The following PPP2R5E variants were observed in gnomAD, a reference collection of about 807,000 sequenced individuals.
PPP2R5E encodes serine/threonine-protein phosphatase 2A 56 kDa regulatory subunit epsilon isoform.
Under a neutral mutation model 65.3 loss-of-function variants are expected in PPP2R5E, and 4 were observed. The observed-to-expected ratio is 0.06, with a 90% confidence interval of 0.03 to 0.14. The LOEUF is 0.14. Ranked by LOEUF, PPP2R5E falls within the 10% of genes least tolerant of loss-of-function variation. PPP2R5E has a pLI of 1.00. For synonymous variants in PPP2R5E, 183 were observed against 187.4 expected, an observed-to-expected ratio of 0.98 and a Z score of 0.19; for missense variants, 274 against 556.1, an observed-to-expected ratio of 0.49 and a Z score of 5.10.
At chr14:63,444,191 C>T (rs945206847) in intron 3 of PPP2R5E, among the ~76,000 whole-genome samples, 2 of 152,220 alleles carry the variant, frequency 1.3e-5, no homozygotes, top group East Asian at 1.9e-4. Context: ...ACTGTAACAA[C>T]GTAGCATGAC....
chr14:63,414,623 G>C (rs1021449996), intron 5 of PPP2R5E, among the ~76,000 whole-genome samples: 36 of 152,182 alleles, frequency 2.4e-4, no homozygotes, highest in Non-Finnish European at 1.0e-4. Context: ...GTTCCAAATG[G>C]AGACATGAGA....
rs534076468 is a variant in PPP2R5E at position 63,463,600 on chromosome 14, C to CTTT, written c.158-9718_158-9716dup. On this transcript the variant is annotated intron_variant, in intron 2 of 13. Coordinates refer to ENST00000337537, the MANE Select transcript of PPP2R5E (RefSeq NM_006246.5). ...ACAACTTATTTAAAACTCGAATTCG[C>CTTT]TTTTTTTTTTTTTTGATACGGAGTC... Among the ~76,000 whole-genome samples the CTTT allele has an allele frequency of 1.8e-3, 246 of 139,216 alleles. 1 individual carries two copies. Among genetic ancestry groups the CTTT allele is most frequent in the African/African-American group, 5.5e-3 (209 of 38,030 alleles). 91.3% of individuals were successfully genotyped at this position (139,216 alleles called of 152,430 possible).
At chr14:63,533,665 C>T (rs886554252) in intron 2 of PPP2R5E, among the ~76,000 whole-genome samples, 3 of 152,098 alleles carry the variant, frequency 2.0e-5, no homozygotes, top group East Asian at 1.9e-4. Context: ...CAATGGCGGC[C>T]GGGCGCGGTG....
Position 63,543,031 on chromosome 14 carries a change from C to G in PPP2R5E, c.-260G>C, listed in dbSNP as rs1893972980. On this transcript the variant is annotated 5_prime_UTR_variant, in exon 1 of 14. Transcript: ENST00000337537. ...GCGGCGGCGGCCTCACGATCCTCCC[C>G]CGCGGGCCCGTCCCATCAAATCGGC... is the stretch of plus-strand genomic sequence containing the variant. 1 of 152,702 alleles carries G rather than the reference C, an allele frequency of 6.5e-6. No individual in the cohort carries two copies. The highest frequency in any genetic ancestry group is 1.5e-5 in the Non-Finnish European group (1 of 68,484). The allele number at this position is 152,702 out of a possible 1,614,324, so 9.5% of individuals were successfully genotyped here.
intron 10 of PPP2R5E, 53 bp from the exon 11 acceptor site, chr14:63,389,784 A>G (rs199755629): frequency 3.3e-5 from 49 of 1,497,158 alleles, no homozygotes; most frequent in South Asian, 6.9e-5. Flanking sequence ...AAAAAAATCC[A>G]TAAGAACAAG....
intron 4 of PPP2R5E, among the ~76,000 whole-genome samples, chr14:63,416,384 A>AGTT (rs1172753503): frequency 2.0e-5 from 3 of 152,230 alleles, no homozygotes; most frequent in Non-Finnish European, 4.4e-5. Flanking sequence ...ACCCTGAGCA[A>AGTT]GTTAACTTCT....
At chr14:63,428,103 G>A (rs1594863031) in intron 3 of PPP2R5E, among the ~76,000 whole-genome samples, 1 of 151,820 alleles carries the variant, frequency 6.6e-6, no homozygotes, top group Non-Finnish European at 1.5e-5. Context: ...GGATGACTTC[G>A]CTCAGCATTA....
intron 11 of PPP2R5E, among the ~76,000 whole-genome samples, chr14:63,387,438 C>T (rs17225008): frequency 0.04 from 5,850 of 145,812 alleles, 234 homozygotes; most frequent in East Asian, 0.12. Context: ...CTTCTGCACA[C>T]ACAGAGGCAG....
At chr14:63,376,322 T>C (rs1221824068) in intron 13 of PPP2R5E, among the ~76,000 whole-genome samples, 2 of 152,180 alleles carry the variant, frequency 1.3e-5, no homozygotes, top group African/African-American at 2.4e-5. Flanking sequence ...TGCAGCTTAG[T>C]AAGAATCTTA....
In PPP2R5E at chr14:63,391,314, T is replaced by C. The variant is rs533191082; in HGVS notation, c.954+503A>G. Among the ~76,000 whole-genome samples the C allele has an allele frequency of 3.3e-5, 5 of 152,350 alleles. No individual in the cohort carries two copies. In the South Asian group the frequency reaches 1.0e-3, roughly 32 times the overall value. ...ACTGGGGCAGGCTATTTAACCTCTCTACAGTTTCATAACTAGTAAAACAAG... is the reference window on the plus strand; with the variant it reads ...ACTGGGGCAGGCTATTTAACCTCTCCACAGTTTCATAACTAGTAAAACAAG... On this transcript the variant is annotated intron_variant, in intron 10 of 13. Transcript: ENST00000337537.
chr14:63,430,389 A>ATACATG (rs1887594254), intron 3 of PPP2R5E, among the ~76,000 whole-genome samples: 1 of 142,490 alleles, frequency 7.0e-6, no homozygotes, highest in African/African-American at 2.9e-5. Context: ...ATACATACAT[A>ATACATG]CATACATACA....
chr14:63,450,156 G>A (rs571409186), intron 3 of PPP2R5E, among the ~76,000 whole-genome samples: 3 of 152,160 alleles, frequency 2.0e-5, no homozygotes, highest in Admixed American at 6.5e-5. Flanking sequence ...GATTACAGGC[G>A]TGAGCCACCG....
At chr14:63,521,948 T>TCCCCCC (rs1289902689) in intron 2 of PPP2R5E, among the ~76,000 whole-genome samples, 4 of 77,508 alleles carry the variant, frequency 5.2e-5, no homozygotes, top group East Asian at 4.4e-4. Context: ...GCCCTCCCCC[T>TCCCCCC]CCCCCTCCCC....
chr14:63,528,018 A>C (rs1893252834), intron 2 of PPP2R5E, among the ~76,000 whole-genome samples: 1 of 152,108 alleles, frequency 6.6e-6, no homozygotes, highest in East Asian at 1.9e-4. Context: ...TTACTGAGGG[A>C]AACTATGCTT....
chr14:63,515,969 C>G (rs1242099108), intron 2 of PPP2R5E, among the ~76,000 whole-genome samples: 1 of 151,564 alleles, frequency 6.6e-6, no homozygotes, highest in Non-Finnish European at 1.5e-5. Context: ...CCTGCCTCAG[C>G]CTCCCAAGTA....
At chr14:63,541,565 T>C (rs1224634527) in intron 1 of PPP2R5E, among the ~76,000 whole-genome samples, 2 of 152,210 alleles carry the variant, frequency 1.3e-5, no homozygotes, top group African/African-American at 4.8e-5. Flanking sequence ...GCAAGACTAA[T>C]GGCAGACTCG....
At chr14:63,508,874 C>G (rs1176311462) in intron 2 of PPP2R5E, among the ~76,000 whole-genome samples, 1 of 152,198 alleles carries the variant, frequency 6.6e-6, no homozygotes, top group African/African-American at 2.4e-5. Context: ...TGAAAGTTAC[C>G]TTAAGGTCCA....
At chr14:63,387,020 T>A (rs1884713756) in intron 11 of PPP2R5E, among the ~76,000 whole-genome samples, 1 of 151,766 alleles carries the variant, frequency 6.6e-6, no homozygotes, top group Non-Finnish European at 1.5e-5. Flanking sequence ...GTAGAGGGCA[T>A]TAAGGAAAGG....
chr14:63,496,273 C>T (rs1223192411), intron 2 of PPP2R5E, among the ~76,000 whole-genome samples: 1 of 151,922 alleles, frequency 6.6e-6, no homozygotes, highest in Non-Finnish European at 1.5e-5. Flanking sequence ...GAGGCCAAGG[C>T]AGGCAGATCA....
Sources: allele counts gnomAD v4.1 joint callset (sites outside exome capture counted in the v4.1 genomes callset), GRCh38; gene constraint gnomAD v4.1.1; transcripts MANE v1.5; gene names NCBI Gene and HGNC (gene_info 2026-07-23, HGNC 2026-07-21).